Variants in SECISBP2 observed in about 807,000 individuals in gnomAD.
SECISBP2 encodes the protein SECIS binding protein 2, also known as selenocysteine insertion sequence-binding protein 2.
SECISBP2 carries 96 observed loss-of-function variants against 98.2 expected under a neutral mutation model. That is an observed-to-expected ratio of 0.98 (90% CI 0.83 to 1.16). SECISBP2 has a LOEUF of 1.16. Ranked by LOEUF, SECISBP2 falls within the 50% of genes most tolerant of loss-of-function variation. The pLI, the probability that SECISBP2 is intolerant of heterozygous loss-of-function variation, is 0.00. For synonymous variants in SECISBP2, 407 were observed against 370.2 expected, an observed-to-expected ratio of 1.10 and a Z score of -1.14; for missense variants, 1,046 against 1,022.9, an observed-to-expected ratio of 1.02 and a Z score of -0.31.
In SECISBP2 at chr9:89,349,815, T is replaced by C; in HGVS notation, c.1778T>C (p.Val593Ala). 6.2e-7 allele frequency: 1 copy of C among 1,614,134 alleles called. No individual in the cohort carries two copies. The highest frequency in any genetic ancestry group is 8.5e-7 in the Non-Finnish European group (1 of 1,180,042). ...GACGAACTGATCTCCACTCCTTCGG[T>C]TGAGGACAAGTCTGAAGAGCCACCA... is the stretch of plus-strand genomic sequence containing the variant. Reference protein sequence around the residue: ...GMDELISTPSVEDKSEEPPGT... With the variant: ...GMDELISTPSAEDKSEEPPGT... The change falls in exon 13 of 17, where the codon GTT becomes GCT. Residue 593 changes from valine (V) to alanine (A), a missense_variant. Coordinates refer to ENST00000375807, the MANE Select transcript of SECISBP2 (RefSeq NM_024077.5).
At chr9:89,330,226 G>A (rs1827517942) in intron 5 of SECISBP2, 2 of 152,190 alleles carry the variant, frequency 1.3e-5, no homozygotes, top group South Asian at 4.1e-4. Context: ...AGCAAATTCA[G>A]GAAAACTTAT....
Position 89,346,964 on chromosome 9 carries a change from TC to T in SECISBP2, c.1521del (p.Leu508TrpfsTer7). On this transcript the variant is annotated frameshift_variant, in exon 11 of 17. Transcript: ENST00000375807. LOFTEE classifies it high-confidence loss of function. ...TGAGTCAAATGAAGACCCCGCACAATCCCTTGGACTCCAGCGCCCCACTGAT... is the reference window on the plus strand; with the variant it reads ...TGAGTCAAATGAAGACCCCGCACAATCCTTGGACTCCAGCGCCCCACTGAT... ...RMSQMKTPHN[P>X]LDSSAPLMKK... The T allele has an allele frequency of 6.2e-7, 1 of 1,613,972 alleles. No homozygotes were observed. Among genetic ancestry groups the T allele is most frequent in the Non-Finnish European group, 8.5e-7 (1 of 1,179,966 alleles).
Position 89,328,723 on chromosome 9 carries a change from A to C in SECISBP2, c.638A>C (p.Lys213Thr), listed in dbSNP as rs1403413185. The C allele has an allele frequency of 6.2e-7, 1 of 1,614,058 alleles. No homozygotes were observed. Among genetic ancestry groups the C allele is most frequent in the Admixed American group, 1.7e-5 (1 of 60,004 alleles). Residue 213 changes from lysine (K) to threonine (T), a missense_variant, in exon 5 of 17, where the codon AAA (lysine) becomes ACA (threonine). Coordinates refer to ENST00000375807, the MANE Select transcript of SECISBP2 (RefSeq NM_024077.5). ...ATTGCAAAAAATGTATCTACCTCCA[A>C]ACCTGAGTTTGAATTTACCACACTG... ...RIIAKNVSTS[K>T]PEFEFTTLDF...
At chr9:89,327,988 T>C (rs999161699) in intron 4 of SECISBP2, among the ~76,000 whole-genome samples, 3 of 152,136 alleles carry the variant, frequency 2.0e-5, no homozygotes, top group Non-Finnish European at 2.9e-5. Flanking sequence ...GTATTTTCAA[T>C]AGAGTTGGGG....
the SECISBP2 span, among the ~76,000 whole-genome samples, chr9:89,366,212 A>T: frequency 6.9e-4 from 105 of 152,356 alleles, no homozygotes; most frequent in African/African-American, 2.4e-3. Context: ...CCATGTATAC[A>T]TGTGTGAACG....
At chr9:89,362,995 C>T (rs949031773), downstream of SECISBP2, among the ~76,000 whole-genome samples, 8 of 152,170 alleles carry the variant, frequency 5.3e-5, no homozygotes, top group African/African-American at 2.4e-5. Flanking sequence ...CTCAGGAAGC[C>T]ACTCCCCCTG....
chr9:89,349,379 G>C lies in SECISBP2; in HGVS notation c.1739-397G>C, dbSNP rs544657831. On this transcript the variant is annotated intron_variant, in intron 12 of 16. Transcript: ENST00000375807. The stretch of plus-strand genomic sequence containing the variant: ...TTATTTCAAAAAGAAATGGTCTCAA[G>C]CATTTGAGAAAAAACTTAGAACTAA... Among the ~76,000 whole-genome samples the C allele has an allele frequency of 2.6e-5, 4 of 152,256 alleles. No homozygotes were observed. The East Asian group carries it at 5.8e-4, about 22-fold the overall frequency.
chr9:89,351,707 C>T (rs1444369575), intron 14 of SECISBP2, among the ~76,000 whole-genome samples: 1 of 152,144 alleles, frequency 6.6e-6, no homozygotes, highest in South Asian at 2.1e-4. Flanking sequence ...GTGACATGTC[C>T]GAGGCCCCCA....
chr9:89,337,888 G>A (rs917800178), intron 7 of SECISBP2, among the ~76,000 whole-genome samples: 1 of 152,252 alleles, frequency 6.6e-6, no homozygotes, highest in African/African-American at 2.4e-5. Context: ...GAGATGAGGA[G>A]CAGCCCCAGC....
intron 1 of SECISBP2, 187 bp downstream of exon 1, chr9:89,318,799 C>A: frequency 7.9e-7 from 1 of 1,262,656 alleles, no homozygotes; most frequent in South Asian, 2.3e-5. Flanking sequence ...GGGTGGCGGT[C>A]AGCGGCTACA....
chr9:89,357,669 T>C (rs1832299987), intron 15 of SECISBP2, 104 bp downstream of exon 15: 2 of 1,405,808 alleles, frequency 1.4e-6, no homozygotes, highest in East Asian at 2.3e-5. Context: ...GAACCTCCAG[T>C]AGGCTGTCAT....
rs1248717839 is a variant in SECISBP2 at position 89,328,589 on chromosome 9, A to G, written c.575-71A>G. On this transcript the variant is annotated intron_variant, in intron 4 of 16. Transcript: ENST00000375807. ...ATAGCAATAGTCTTTGTACTCTGCAATTTTTGCTTGCATACTGGTCATCAA... is the reference window on the plus strand; with the variant it reads ...ATAGCAATAGTCTTTGTACTCTGCAGTTTTTGCTTGCATACTGGTCATCAA... The G allele has an allele frequency of 4.0e-6, 5 of 1,235,970 alleles. No individual in the cohort carries two copies. In the East Asian group the frequency reaches 9.6e-5, roughly 24 times the overall value. The allele number at this position is 1,235,970 out of a possible 1,614,324, so 76.6% of individuals were successfully genotyped here.
In SECISBP2 at chr9:89,346,906, A is replaced by G. The variant is rs1331934623; in HGVS notation, c.1460A>G (p.Lys487Arg). The change falls in exon 11 of 17, where the codon AAA becomes AGA. Residue 487 changes from lysine (K) to arginine (R), a missense_variant. Coordinates refer to ENST00000375807, the MANE Select transcript of SECISBP2 (RefSeq NM_024077.5). Reference protein sequence around the residue: ...VSVGAVPVLSKECASGERGRR... With the variant: ...VSVGAVPVLSRECASGERGRR... The stretch of plus-strand genomic sequence containing the variant: ...GTTGGAGCAGTGCCAGTCCTTTCCA[A>G]AGAATGTGCATCAGGGGAGAGAGGC... 6.2e-7 allele frequency: 1 copy of G among 1,613,960 alleles called. No homozygotes were observed. Among genetic ancestry groups the G allele is most frequent in the African/African-American group, 1.3e-5 (1 of 74,888 alleles).
rs778418783 is a variant in SECISBP2, at chr9:89,341,327, T to TA, written c.1303-19dup. On this transcript the variant is annotated intron_variant, in intron 9 of 16. Transcript: ENST00000375807. Reference sequence around the variant, plus strand: ...GTTTGTATAGTTTTATAAGTAAACTTACGAATTTTGAACTTTCAGGATAAT... The same window carrying TA: ...GTTTGTATAGTTTTATAAGTAAACTTAACGAATTTTGAACTTTCAGGATAAT... The TA allele has an allele frequency of 6.2e-6, 10 of 1,608,570 alleles. No individual in the cohort carries two copies. The highest frequency in any genetic ancestry group is 2.2e-5 in the South Asian group (2 of 90,906).
chr9:89,335,232 T>G (rs1365319468), intron 7 of SECISBP2, among the ~76,000 whole-genome samples: 1 of 151,276 alleles, frequency 6.6e-6, no homozygotes, highest in Admixed American at 6.6e-5. Context: ...AAAAAAAAGT[T>G]AAGATGGTAT....
intron 14 of SECISBP2, among the ~76,000 whole-genome samples, chr9:89,352,485 A>G (rs2132019173): frequency 6.6e-6 from 1 of 152,262 alleles, no homozygotes; most frequent in South Asian, 2.1e-4. Context: ...CTGATTCTTG[A>G]TCCTTTGTGA....
intron 7 of SECISBP2, 121 bp from the exon 8 acceptor site, chr9:89,338,337 T>C (rs7851988): frequency 0.33 from 393,419 of 1,195,436 alleles, 67,125 homozygotes; most frequent in Admixed American, 0.49. Context: ...AGGAACCTAA[T>C]TCTGAATAAA....
At chr9:89,365,882 C>G in the SECISBP2 span, among the ~76,000 whole-genome samples, 1 of 152,214 alleles carries the variant, frequency 6.6e-6, no homozygotes, top group African/African-American at 2.4e-5. Context: ...TTTAGTAATG[C>G]ATTTTCCCTG....
chr9:89,336,748 A>T (rs1828782478), intron 7 of SECISBP2, among the ~76,000 whole-genome samples: 1 of 147,640 alleles, frequency 6.8e-6, no homozygotes, highest in South Asian at 2.1e-4. Flanking sequence ...AGGCTGGACA[A>T]CAGCCCACTG....
Sources: gnomAD v4.1 joint callset for allele counts (sites outside exome capture counted in the v4.1 genomes callset) on GRCh38, gnomAD v4.1.1 for gene constraint, MANE v1.5 for transcripts, NCBI Gene and HGNC (gene_info 2026-07-23, HGNC 2026-07-21) for gene names.